The following SPHKAP variants were observed in gnomAD, a reference collection of about 807,000 sequenced individuals.
The protein encoded by SPHKAP is SPHK1 interactor, AKAP domain containing, also known as A-kinase anchor protein SPHKAP.
SPHKAP carries 67 observed loss-of-function variants against 137.5 expected under a neutral mutation model. The ratio of observed to expected loss-of-function variants is 0.49; its 90% confidence interval spans 0.40 to 0.60. The LOEUF is 0.60. Among genes scored for constraint, SPHKAP ranks in the 20% least tolerant of loss-of-function variants. The pLI is 0.00. For missense variants in SPHKAP, 2,097 were observed against 2,069.3 expected, an observed-to-expected ratio of 1.01 and a Z score of -0.26; for synonymous variants, 813 against 785.3, an observed-to-expected ratio of 1.04 and a Z score of -0.59.
chr2:228,064,182 C>A (rs1000537002), intron 3 of SPHKAP, among the ~76,000 whole-genome samples: 4 of 152,082 alleles, frequency 2.6e-5, no homozygotes, highest in Non-Finnish European at 5.9e-5. Context: ...GGCATAGCGA[C>A]CCTAAATGAA....
At chr2:228,041,418 G>T (rs1695835471) in intron 3 of SPHKAP, among the ~76,000 whole-genome samples, 2 of 152,102 alleles carry the variant, frequency 1.3e-5, no homozygotes, top group South Asian at 4.1e-4. Context: ...GCCGAGGCAG[G>T]TGCATCACAG....
At chr2:228,079,123 T>C (rs1574829911) in intron 3 of SPHKAP, among the ~76,000 whole-genome samples, 1 of 152,260 alleles carries the variant, frequency 6.6e-6, no homozygotes, top group East Asian at 1.9e-4. Flanking sequence ...AGGGGTGTGG[T>C]GGGAAATGGT....
intron 7 of SPHKAP, 50 bp from the exon 8 acceptor site, chr2:227,995,744 A>G: frequency 6.8e-7 from 1 of 1,480,272 alleles, no homozygotes; most frequent in Admixed American, 2.6e-5. Flanking sequence ...ACACACACAC[A>G]CACAGAAACT....
At chr2:228,176,101 G>T (rs559596219) in intron 1 of SPHKAP, among the ~76,000 whole-genome samples, 3 of 152,304 alleles carry the variant, frequency 2.0e-5, no homozygotes, top group Admixed American at 6.5e-5. Context: ...GCACAGAGTA[G>T]GTAAGCATTT....
intron 1 of SPHKAP, among the ~76,000 whole-genome samples, chr2:228,162,483 C>T (rs946852020): frequency 1.3e-5 from 2 of 152,072 alleles, no homozygotes; most frequent in African/African-American, 4.8e-5. Flanking sequence ...AGTGGTTTGG[C>T]AATTTTAAAT....
intron 1 of SPHKAP, among the ~76,000 whole-genome samples, chr2:228,156,152 G>C (rs1700101431): frequency 6.6e-6 from 1 of 152,120 alleles, no homozygotes; most frequent in Admixed American, 6.6e-5. Flanking sequence ...GTGTTTACAT[G>C]ATAATTGCCC....
intron 3 of SPHKAP, among the ~76,000 whole-genome samples, chr2:228,054,504 T>G (rs10171984): frequency 0.38 from 57,834 of 151,630 alleles, 11,422 homozygotes; most frequent in South Asian, 0.51. Context: ...AATTACAGAC[T>G]TGCAATCAGA....
chr2:228,016,304 T>G, intron 7 of SPHKAP, 102 bp downstream of exon 7: 1 of 1,474,752 alleles, frequency 6.8e-7, no homozygotes, highest in Non-Finnish European at 8.9e-7. Flanking sequence ...ATTTAGTTCT[T>G]GCACCAATCA....
chr2:228,026,634 G>A (rs971190029), intron 4 of SPHKAP, among the ~76,000 whole-genome samples: 1 of 152,066 alleles, frequency 6.6e-6, no homozygotes, highest in Non-Finnish European at 1.5e-5. Context: ...CTCTTTGATG[G>A]ACTCTGCACC....
At chr2:228,130,789 C>T (rs939675902) in intron 2 of SPHKAP, among the ~76,000 whole-genome samples, 12 of 151,966 alleles carry the variant, frequency 7.9e-5, no homozygotes, top group Non-Finnish European at 1.2e-4. Context: ...TGAATTATAG[C>T]GCCTTAGTTC....
intron 1 of SPHKAP, among the ~76,000 whole-genome samples, chr2:228,148,859 A>T (rs1699852418): frequency 6.6e-6 from 1 of 152,226 alleles, no homozygotes; most frequent in Non-Finnish European, 1.5e-5. Context: ...AAGAGGAAAG[A>T]TGCAGATCTC....
At chr2:228,119,215 G>T (rs560118481) in intron 2 of SPHKAP, among the ~76,000 whole-genome samples, 7 of 152,172 alleles carry the variant, frequency 4.6e-5, no homozygotes, top group African/African-American at 1.4e-4. Flanking sequence ...TAAATGGCTG[G>T]TGCAGAATGA....
chr2:228,072,946 C>T (rs1355032459), intron 3 of SPHKAP, among the ~76,000 whole-genome samples: 1 of 152,240 alleles, frequency 6.6e-6, no homozygotes, highest in East Asian at 1.9e-4. Flanking sequence ...GAAGTAGGAA[C>T]AAGCCACCTG....
intron 11 of SPHKAP, among the ~76,000 whole-genome samples, chr2:227,987,436 A>T (rs1693253019): frequency 1.3e-5 from 2 of 152,178 alleles, no homozygotes; most frequent in Admixed American, 6.5e-5. Context: ...AGAGGGTAGG[A>T]AGTGATGTCT....
chr2:228,152,129 T>C (rs1267060901), intron 1 of SPHKAP, among the ~76,000 whole-genome samples: 3 of 152,230 alleles, frequency 2.0e-5, no homozygotes. Context: ...AGAATTGCTT[T>C]ATTCTCCACT....
At chr2:228,008,531 G>A (rs1694230516) in intron 7 of SPHKAP, among the ~76,000 whole-genome samples, 1 of 152,096 alleles carries the variant, frequency 6.6e-6, no homozygotes, top group African/African-American at 2.4e-5. Context: ...CTGACCTCAG[G>A]TGATCCACCC....
At chr2:228,148,407 G>A (rs569168192) in intron 1 of SPHKAP, among the ~76,000 whole-genome samples, 69 of 152,308 alleles carry the variant, frequency 4.5e-4, no homozygotes, top group African/African-American at 1.6e-3. Context: ...AGTCATCTAA[G>A]ATAGAAGAAG....
chr2:227,997,400 A>G (rs1343056119), intron 7 of SPHKAP, among the ~76,000 whole-genome samples: 1 of 152,214 alleles, frequency 6.6e-6, no homozygotes, highest in Non-Finnish European at 1.5e-5. Context: ...CACCTGTTCA[A>G]CTTAAGTTAA....
chr2:228,047,086 G>A (rs1328301327), intron 3 of SPHKAP, among the ~76,000 whole-genome samples: 1 of 152,300 alleles, frequency 6.6e-6, no homozygotes, highest in East Asian at 1.9e-4. Context: ...CAAAATATAA[G>A]TGAGTATATG....
Sources: gnomAD v4.1 joint callset for allele counts (sites outside exome capture counted in the v4.1 genomes callset) on GRCh38, gnomAD v4.1.1 for gene constraint, MANE v1.5 for transcripts, NCBI Gene and HGNC (gene_info 2026-07-23, HGNC 2026-07-21) for gene names.